The following TASP1 variants were observed in gnomAD, a reference collection of about 807,000 sequenced individuals.
TASP1 encodes threonine aspartase 1.
Under a neutral mutation model 56.6 loss-of-function variants are expected in TASP1, and 16 were observed. The ratio of observed to expected loss-of-function variants is 0.28; its 90% CI spans 0.19 to 0.43. The LOEUF is 0.43. Ranked by LOEUF, TASP1 falls within the 20% of genes least tolerant of loss-of-function variation. The probability of loss-of-function intolerance (pLI) is 1.00; values close to 1 mark genes in which losing one functional copy is unlikely to be tolerated. For missense variants in TASP1, 393 were observed against 511.6 expected (o/e 0.77, Z 2.24); for synonymous variants, 179 against 184.2 (o/e 0.97, Z 0.23).
chr20:13,550,510 A>G (rs1418697342), intron 8 of TASP1, among the ~76,000 whole-genome samples: 1 of 152,086 alleles, frequency 6.6e-6, no homozygotes, highest in Non-Finnish European at 1.5e-5. Context: ...CCAGACAATC[A>G]TTTCACAGAA....
chr20:13,263,580 G>C, the TASP1 span, among the ~76,000 whole-genome samples: 1 of 152,110 alleles, frequency 6.6e-6, no homozygotes, highest in African/African-American at 2.4e-5. Context: ...AATACCACTA[G>C]TGGCATTCTT....
chr20:13,610,208 G>A (rs1270825362), intron 4 of TASP1, among the ~76,000 whole-genome samples: 1 of 152,202 alleles, frequency 6.6e-6, no homozygotes, highest in Non-Finnish European at 1.5e-5. Context: ...AACACTGTGA[G>A]CATTTTAATG....
At position 13,587,971 on chromosome 20, in the gene TASP1, T is replaced by G. The variant is rs1374353202; in HGVS notation, c.283-601A>C. Among the ~76,000 whole-genome samples, 3 of 151,734 alleles carry G rather than the reference T, an allele frequency of 2.0e-5. No individual in the cohort carries two copies. The East Asian group carries it at 5.8e-4, about 29-fold the overall frequency. ...TGAGACACCATCTATACAAAAAAAT[T>G]TAAAACTTAGCCAGGTGTGGTGGTA... is the stretch of plus-strand genomic sequence containing the variant. On this transcript the variant is annotated intron_variant, in intron 4 of 13. Transcript: ENST00000337743.
chr20:13,292,785 G>A, the TASP1 span, among the ~76,000 whole-genome samples: 2 of 152,260 alleles, frequency 1.3e-5, no homozygotes, highest in African/African-American at 4.8e-5. Flanking sequence ...TTCTTACTCA[G>A]CCTTCATTGA....
intron 1 of TASP1, among the ~76,000 whole-genome samples, chr20:13,638,194 G>C (rs935126228): frequency 9.9e-5 from 15 of 152,090 alleles, no homozygotes; most frequent in African/African-American, 3.6e-4. Context: ...AAACTCCTAA[G>C]AATATAAGTA....
At chr20:13,110,173 C>A in the TASP1 span, 1 of 1,613,602 alleles carries the variant, frequency 6.2e-7, no homozygotes, top group Non-Finnish European at 8.5e-7. Context: ...CTCGAACCCG[C>A]AGAGCTTGGA....
chr20:13,223,182 TAAAATA>T, the TASP1 span, among the ~76,000 whole-genome samples: 17 of 146,506 alleles, frequency 1.2e-4, no homozygotes, highest in African/African-American at 4.1e-4. Flanking sequence ...TAAAATAAAA[TAAAATA>T]AAATAAATAA....
At chr20:13,170,026 A>T in the TASP1 span, among the ~76,000 whole-genome samples, 1 of 152,224 alleles carries the variant, frequency 6.6e-6, no homozygotes, top group African/African-American at 2.4e-5. Context: ...CTGCATGTAA[A>T]TTCCCTGGAT....
the TASP1 span, among the ~76,000 whole-genome samples, chr20:13,315,368 A>G: frequency 6.6e-6 from 1 of 152,014 alleles, no homozygotes; most frequent in Admixed American, 6.6e-5. Context: ...GCTTGCACCA[A>G]TCAAAGGAAA....
the TASP1 span, among the ~76,000 whole-genome samples, chr20:13,227,754 C>T: frequency 2.0e-5 from 3 of 151,924 alleles, no homozygotes; most frequent in Non-Finnish European, 2.9e-5. Flanking sequence ...ATGATCCTCT[C>T]GCCTCTGCCT....
the TASP1 span, chr20:13,270,434 G>T: frequency 1.3e-6 from 2 of 1,508,684 alleles, no homozygotes; most frequent in Non-Finnish European, 1.8e-6. Flanking sequence ...TGAATATAAT[G>T]GACTGTTAAG....
chr20:13,374,919 C>T, the TASP1 span, among the ~76,000 whole-genome samples: 3 of 152,178 alleles, frequency 2.0e-5, no homozygotes, highest in African/African-American at 7.2e-5. Context: ...TCTCTTTCCC[C>T]TCATATCTTC....
the TASP1 span, among the ~76,000 whole-genome samples, chr20:13,149,872 G>A: frequency 6.6e-6 from 1 of 152,172 alleles, no homozygotes; most frequent in Admixed American, 6.5e-5. Context: ...TTATAGGCAA[G>A]CGCAAAGATA....
chr20:13,301,299 G>A, the TASP1 span, among the ~76,000 whole-genome samples: 2 of 151,854 alleles, frequency 1.3e-5, no homozygotes, highest in Non-Finnish European at 2.9e-5. Flanking sequence ...AGCGATTCTC[G>A]TGCCTCAGCC....
chr20:13,177,105 G>A, the TASP1 span, among the ~76,000 whole-genome samples: 1 of 152,040 alleles, frequency 6.6e-6, no homozygotes, highest in South Asian at 2.1e-4. Context: ...GCCATGCATG[G>A]TGGCACACAC....
intron 12 of TASP1, among the ~76,000 whole-genome samples, chr20:13,417,973 C>T (rs933673503): frequency 3.3e-5 from 5 of 152,292 alleles, no homozygotes; most frequent in East Asian, 1.9e-4. Context: ...AGTGCAATGG[C>T]GCAATCCCAG....
chr20:13,631,280 G>A (rs945843245), intron 1 of TASP1, among the ~76,000 whole-genome samples: 2 of 152,060 alleles, frequency 1.3e-5, no homozygotes, highest in Non-Finnish European at 2.9e-5. Context: ...ATTCACAAAT[G>A]CAGGAAAAAA....
chr20:13,381,333 T>C, the TASP1 span, among the ~76,000 whole-genome samples: 7 of 151,944 alleles, frequency 4.6e-5, no homozygotes, highest in South Asian at 1.3e-3. Context: ...GGGAAGGGAG[T>C]TCTCCAACCC....
At chr20:13,478,231 A>C (rs577120215) in intron 11 of TASP1, among the ~76,000 whole-genome samples, 3 of 152,194 alleles carry the variant, frequency 2.0e-5, no homozygotes, top group South Asian at 4.1e-4. Context: ...TGTCCACTCA[A>C]GGAAAATCAT....
Sources: gnomAD v4.1 joint callset for allele counts (sites outside exome capture counted in the v4.1 genomes callset) on GRCh38, gnomAD v4.1.1 for gene constraint, MANE v1.5 for transcripts, NCBI Gene and HGNC (gene_info 2026-07-23, HGNC 2026-07-21) for gene names.